ABTB3: variants seen among roughly 807,000 people sequenced by gnomAD.
ABTB3 encodes the protein ankyrin repeat and BTB domain containing 3.
At chr12:107,586,786 T>C in the ABTB3 span, among the ~76,000 whole-genome samples, 2 of 152,224 alleles carry the variant, frequency 1.3e-5, no homozygotes, top group African/African-American at 4.8e-5. Context: ...TTGCCTGCTC[T>C]GTGCTTGGTT....
the ABTB3 span, among the ~76,000 whole-genome samples, chr12:107,606,505 G>T: frequency 1.1e-4 from 17 of 152,160 alleles, no homozygotes; most frequent in Admixed American, 9.8e-4. Context: ...TAGCCCCGTA[G>T]TGTGGGGCCC....
chr12:107,506,877 C>A, the ABTB3 span, among the ~76,000 whole-genome samples: 3 of 152,140 alleles, frequency 2.0e-5, no homozygotes. Flanking sequence ...GAATCTTACA[C>A]AAGAAACTAA....
chr12:107,353,383 G>T, the ABTB3 span, among the ~76,000 whole-genome samples: 2 of 152,150 alleles, frequency 1.3e-5, no homozygotes, highest in Non-Finnish European at 2.9e-5. Flanking sequence ...CAGATTATCA[G>T]CTGTGTAGGG....
chr12:107,499,694 T>TTG, the ABTB3 span, among the ~76,000 whole-genome samples: 1 of 150,912 alleles, frequency 6.6e-6, no homozygotes, highest in Non-Finnish European at 1.5e-5. Flanking sequence ...TCTTTTCTTT[T>TTG]TTTTTTTTTA....
chr12:107,333,328 T>G, the ABTB3 span, among the ~76,000 whole-genome samples: 2 of 152,270 alleles, frequency 1.3e-5, no homozygotes, highest in East Asian at 3.9e-4. Flanking sequence ...GACCACACAT[T>G]GCACCTGCAA....
At chr12:107,499,379 T>C in the ABTB3 span, among the ~76,000 whole-genome samples, 1 of 151,734 alleles carries the variant, frequency 6.6e-6, no homozygotes, top group Non-Finnish European at 1.5e-5. Flanking sequence ...TGTGTGTGTG[T>C]GTGCGTGTGG....
chr12:107,412,770 T>C, the ABTB3 span, among the ~76,000 whole-genome samples: 2 of 151,960 alleles, frequency 1.3e-5, no homozygotes, highest in Non-Finnish European at 2.9e-5. Flanking sequence ...AGGATCTCAC[T>C]TCCAATTTGT....
At chr12:107,337,883 T>G in the ABTB3 span, among the ~76,000 whole-genome samples, 6 of 152,204 alleles carry the variant, frequency 3.9e-5, no homozygotes, top group Non-Finnish European at 7.3e-5. Flanking sequence ...AGCAACCACT[T>G]GTCTATCCTC....
chr12:107,625,165 T>C, the ABTB3 span, among the ~76,000 whole-genome samples: 1 of 152,250 alleles, frequency 6.6e-6, no homozygotes, highest in African/African-American at 2.4e-5. Context: ...CTTAAGCCTG[T>C]GTTCTAAATG....
chr12:107,568,473 A>G, the ABTB3 span, among the ~76,000 whole-genome samples: 41 of 152,288 alleles, frequency 2.7e-4, 1 homozygote, highest in South Asian at 7.7e-3. Flanking sequence ...GACCCAAAAG[A>G]CATCTCTTAG....
chr12:107,595,742 G>A, the ABTB3 span, among the ~76,000 whole-genome samples: 1 of 152,110 alleles, frequency 6.6e-6, no homozygotes, highest in Non-Finnish European at 1.5e-5. Context: ...AAGTTTCTTA[G>A]CCTCTCTGTG....
At chr12:107,373,041 G>C in the ABTB3 span, among the ~76,000 whole-genome samples, 1 of 152,180 alleles carries the variant, frequency 6.6e-6, no homozygotes, top group Admixed American at 6.5e-5. Context: ...GTAGCTGCCA[G>C]TAACACCCCC....
At chr12:107,383,247 C>T in the ABTB3 span, among the ~76,000 whole-genome samples, 1 of 152,214 alleles carries the variant, frequency 6.6e-6, no homozygotes, top group African/African-American at 2.4e-5. Context: ...TACCCATTTG[C>T]CCTGCAGGTA....
the ABTB3 span, among the ~76,000 whole-genome samples, chr12:107,354,923 T>C: frequency 6.6e-6 from 1 of 152,234 alleles, no homozygotes; most frequent in African/African-American, 2.4e-5. Context: ...CCATACATTA[T>C]ATAGCTTTTT....
At chr12:107,477,877 A>G in the ABTB3 span, among the ~76,000 whole-genome samples, 1 of 152,168 alleles carries the variant, frequency 6.6e-6, no homozygotes, top group Non-Finnish European at 1.5e-5. Flanking sequence ...CTAGGAAGGT[A>G]TTAGGATAAG....
chr12:107,639,410 G>T, the ABTB3 span, among the ~76,000 whole-genome samples: 1 of 152,176 alleles, frequency 6.6e-6, no homozygotes, highest in African/African-American at 2.4e-5. Context: ...TGGGTCATCA[G>T]ATTGAGGGGC....
the ABTB3 span, among the ~76,000 whole-genome samples, chr12:107,468,920 C>T: frequency 1.1e-3 from 163 of 152,228 alleles, no homozygotes; most frequent in African/African-American, 3.4e-3. Context: ...ACAACCATTC[C>T]GTGCCTCAGC....
the ABTB3 span, among the ~76,000 whole-genome samples, chr12:107,369,598 C>T: frequency 1.3e-5 from 2 of 151,384 alleles, no homozygotes; most frequent in Non-Finnish European, 2.9e-5. Context: ...AGGATTTCAC[C>T]ATGTTGGTCA....
the ABTB3 span, among the ~76,000 whole-genome samples, chr12:107,460,701 G>C: frequency 2.1e-3 from 316 of 152,278 alleles, no homozygotes; most frequent in African/African-American, 7.5e-3. Context: ...CTCCCTCAGA[G>C]GGGCCACGGT....
Sources: allele counts gnomAD v4.1 joint callset (sites outside exome capture counted in the v4.1 genomes callset), GRCh38; gene constraint gnomAD v4.1.1; transcripts MANE v1.5; gene names NCBI Gene and HGNC (gene_info 2026-07-23, HGNC 2026-07-21).